The following LCORL variants were observed in gnomAD, a reference collection of about 807,000 sequenced individuals.
LCORL encodes ligand dependent nuclear receptor corepressor like, also known as ligand-dependent nuclear receptor corepressor-like protein.
In LCORL, 41 loss-of-function variants were observed where a neutral mutation model predicts 141.8. The ratio of observed to expected loss-of-function variants is 0.29; its 90% CI spans 0.23 to 0.38. The LOEUF is 0.38. Ranked by LOEUF, LCORL falls within the 10% of genes least tolerant of loss-of-function variation. The probability of loss-of-function intolerance (pLI) is 1.00; values close to 1 mark genes in which losing one functional copy is unlikely to be tolerated. For missense variants in LCORL, 1,759 were observed against 2,035.0 expected, an observed-to-expected ratio of 0.86 and a Z score of 2.61; for synonymous variants, 618 against 694.1, an observed-to-expected ratio of 0.89 and a Z score of 1.72.
chr4:17,846,403 A>T (rs528120852), intron 7 of LCORL, among the ~76,000 whole-genome samples: 134 of 152,298 alleles, frequency 8.8e-4, no homozygotes, highest in African/African-American at 2.9e-3. Flanking sequence ...GTTAAGTACA[A>T]ATATGCCTGA....
At chr4:17,893,917 G>A (rs954229685) in intron 5 of LCORL, among the ~76,000 whole-genome samples, 3 of 152,104 alleles carry the variant, frequency 2.0e-5, no homozygotes, top group Non-Finnish European at 4.4e-5. Context: ...TCCAGCCTTG[G>A]CCTCCTGAGT....
chr4:18,006,715 A>G (rs1722874821), intron 1 of LCORL, among the ~76,000 whole-genome samples: 2 of 152,136 alleles, frequency 1.3e-5, no homozygotes, highest in African/African-American at 2.4e-5. Context: ...CACCATCACA[A>G]GAACAGCGCA....
At chr4:18,020,968 C>G (rs1236950627) in intron 1 of LCORL, among the ~76,000 whole-genome samples, 1 of 152,174 alleles carries the variant, frequency 6.6e-6, no homozygotes, top group Non-Finnish European at 1.5e-5. Flanking sequence ...AGCGCCGCCG[C>G]CGAGCGCGAG....
intron 4 of LCORL, chr4:17,912,106 A>G: frequency 1.3e-6 from 1 of 759,758 alleles, no homozygotes; most frequent in South Asian, 1.3e-5. Context: ...CAAGGACGTG[A>G]GGGCTCAAAT....
intron 7 of LCORL, among the ~76,000 whole-genome samples, chr4:17,850,725 C>A (rs887645182): frequency 2.0e-5 from 3 of 151,574 alleles, no homozygotes; most frequent in Non-Finnish European, 4.4e-5. Flanking sequence ...TGTGGCGATT[C>A]CTCAGGGATC....
At chr4:17,956,944 A>T (rs1445354788) in intron 4 of LCORL, among the ~76,000 whole-genome samples, 1 of 152,074 alleles carries the variant, frequency 6.6e-6, no homozygotes, top group Admixed American at 6.5e-5. Flanking sequence ...TAAAAAATAA[A>T]TATTGGAATG....
rs148171253 is a variant in LCORL, at chr4:17,865,485, G to A, written c.5602+7903C>T. 2.1e-4 allele frequency among the ~76,000 whole-genome samples: 32 copies of A among 152,104 alleles called. No homozygotes were observed. In the East Asian group the frequency reaches 2.7e-3, roughly 13 times the overall value. On this transcript the variant is annotated intron_variant, in intron 7 of 7. Transcript: ENST00000635767. ...TTGGAATTACAGGCGTGAGTACTGC[G>A]CCCAGCCAACATGTCTCTAAATAAT...
At chr4:17,963,202 C>A (rs1435773310) in intron 2 of LCORL, among the ~76,000 whole-genome samples, 153 bp from the exon 3 acceptor site, 1 of 151,970 alleles carries the variant, frequency 6.6e-6, no homozygotes, top group Non-Finnish European at 1.5e-5. Context: ...CTCACAACAT[C>A]TAGAAATAAA....
At chr4:17,973,937 A>G (rs896008697) in intron 1 of LCORL, among the ~76,000 whole-genome samples, 6 of 152,040 alleles carry the variant, frequency 3.9e-5, no homozygotes, top group Non-Finnish European at 7.4e-5. Flanking sequence ...AAAGTAAGGT[A>G]GCTATCATGA....
At chr4:17,848,361 G>T (rs548916529) in intron 7 of LCORL, among the ~76,000 whole-genome samples, 13 of 152,284 alleles carry the variant, frequency 8.5e-5, no homozygotes, top group African/African-American at 3.1e-4. Context: ...CTAGATGTTT[G>T]CTTTTTGAGA....
chr4:17,880,925 A>C, intron 6 of LCORL: 1 of 967,188 alleles, frequency 1.0e-6, no homozygotes, highest in Non-Finnish European at 1.2e-6. Context: ...ATATTAACAA[A>C]ATCTGTCAAA....
intron 2 of LCORL, among the ~76,000 whole-genome samples, chr4:17,972,017 T>C (rs977702492): frequency 3.3e-5 from 5 of 151,816 alleles, no homozygotes; most frequent in African/African-American, 1.2e-4. Flanking sequence ...TTAGCATCAT[T>C]GCTACAATAC....
exon 8 of LCORL, chr4:17,842,469 G>T: frequency 1.0e-6 from 1 of 1,001,748 alleles, no homozygotes; most frequent in East Asian, 2.6e-5. Flanking sequence ...GCGAATGAGA[G>T]AGAATATATA....
chr4:18,000,888 A>AT (rs1312239682), intron 1 of LCORL, among the ~76,000 whole-genome samples: 1 of 152,192 alleles, frequency 6.6e-6, no homozygotes, highest in Non-Finnish European at 1.5e-5. Context: ...GATCTGATAC[A>AT]TTTTTTCCAT....
chr4:17,874,055 A>G, exon 7 of LCORL: 1 of 1,234,090 alleles, frequency 8.1e-7, no homozygotes, highest in East Asian at 3.2e-5. Flanking sequence ...GGATGTCAGC[A>G]TTTGTTTCTC....
chr4:17,912,679 G>C (rs1410621629), intron 4 of LCORL: 1 of 389,728 alleles, frequency 2.6e-6, no homozygotes, highest in East Asian at 6.4e-5. Flanking sequence ...GGGAGGTGGA[G>C]GCCTGCTATG....
intron 2 of LCORL, among the ~76,000 whole-genome samples, chr4:17,963,571 G>C (rs1465721203): frequency 1.3e-5 from 2 of 151,734 alleles, no homozygotes; most frequent in African/African-American, 4.8e-5. Flanking sequence ...TTGTTTAAAG[G>C]CTTTGTTGCA....
intron 5 of LCORL, 35 bp downstream of exon 5, chr4:17,909,059 C>A: frequency 6.6e-7 from 1 of 1,521,394 alleles, no homozygotes; most frequent in South Asian, 1.3e-5. Context: ...TATAAAACAT[C>A]AAATTATATA....
At position 17,960,510 on chromosome 4, in the gene LCORL, A is replaced by G. The variant is rs111257635; in HGVS notation, c.430+1393T>C. ...ACTGTGTGCATGTGTGTAAATGTGT[A>G]TATTTCTTCCAGTTCTCTTAGTGAT... is the stretch of plus-strand genomic sequence containing the variant. On this transcript the variant is annotated intron_variant, in intron 4 of 7. Coordinates refer to ENST00000635767, the Ensembl canonical transcript of LCORL. Among the ~76,000 whole-genome samples, 375 of 152,318 alleles carry G rather than the reference A, an allele frequency of 2.5e-3. 4 individuals are homozygous for G. The highest frequency in any genetic ancestry group is 8.6e-3 in the African/African-American group (356 of 41,576).
Sources: gnomAD v4.1 joint callset for allele counts (sites outside exome capture counted in the v4.1 genomes callset) on GRCh38, gnomAD v4.1.1 for gene constraint, MANE v1.5 for transcripts, NCBI Gene and HGNC (gene_info 2026-07-23, HGNC 2026-07-21) for gene names.